Variants in QDPR observed in about 807,000 individuals in gnomAD.
QDPR encodes the protein dihydropteridine reductase.
Under a neutral mutation model 31.7 loss-of-function variants are expected in QDPR, and 23 were observed. The observed-to-expected ratio is 0.73, with a 90% CI of 0.52 to 1.03. The LOEUF (loss-of-function observed/expected upper bound fraction) is 1.03. Among genes scored for constraint, QDPR ranks in the 50% least tolerant of loss-of-function variants. QDPR has a pLI of 0.00. For synonymous variants in QDPR, 124 were observed against 124.7 expected, an observed-to-expected ratio of 0.99 and a Z score of 0.03; for missense variants, 324 against 323.8, an observed-to-expected ratio of 1.00 and a Z score of 0.00.
At position 17,487,075 on chromosome 4, in the gene QDPR, A is replaced by G; in HGVS notation, c.*56T>C. On this transcript the variant is annotated 3_prime_UTR_variant, in exon 7 of 7. Coordinates refer to ENST00000281243, the MANE Select transcript of QDPR (RefSeq NM_000320.3). ...AAAACACAAGGCTGGACAAGGCCAC[A>G]CTGAGACAGGTTAGTGACTTTTCTG... is the stretch of plus-strand genomic sequence containing the variant. 1.4e-6 allele frequency: 2 copies of G among 1,393,314 alleles called. No individual in the cohort carries two copies. Among genetic ancestry groups the G allele is most frequent in the East Asian group, 2.3e-5 (1 of 43,838 alleles). 86.3% of individuals were successfully genotyped at this position (1,393,314 alleles called of 1,614,324 possible). A position where few individuals can be genotyped will look rare whatever the true frequency, so the allele number is the denominator to read the frequency against.
chr4:17,496,544 T>G (rs2597773), intron 4 of QDPR, among the ~76,000 whole-genome samples: 42,679 of 150,476 alleles, frequency 0.28, 6,612 homozygotes, highest in South Asian at 0.38. Flanking sequence ...TTCTCAATAT[T>G]CCAGACAAAC....
intron 2 of QDPR, among the ~76,000 whole-genome samples, chr4:17,507,215 T>C (rs915978293): frequency 2.6e-5 from 4 of 152,180 alleles, no homozygotes; most frequent in Non-Finnish European, 5.9e-5. Context: ...TCTGGAGACC[T>C]ATGATCCTGA....
chr4:17,501,909 AG>A (rs1379617750), intron 3 of QDPR, 50 bp from the exon 4 acceptor site: 1 of 1,611,868 alleles, frequency 6.2e-7, no homozygotes, highest in Non-Finnish European at 8.5e-7. Context: ...AGAAACCAAA[AG>A]GTGAGCTCAA....
At chr4:17,511,770 C>A (rs1719017918) in intron 1 of QDPR, among the ~76,000 whole-genome samples, 180 bp downstream of exon 1, 1 of 152,174 alleles carries the variant, frequency 6.6e-6, no homozygotes, top group South Asian at 2.1e-4. Flanking sequence ...CTGGGACTGG[C>A]GTGCGCACGC....
intron 3 of QDPR, among the ~76,000 whole-genome samples, chr4:17,502,273 T>C (rs933094592): frequency 6.6e-6 from 1 of 152,234 alleles, no homozygotes; most frequent in Non-Finnish European, 1.5e-5. Flanking sequence ...AAGAGAGCTT[T>C]TACTGAGCTA....
chr4:17,497,348 C>CA (rs1718400137), intron 4 of QDPR, among the ~76,000 whole-genome samples: 1 of 152,010 alleles, frequency 6.6e-6, no homozygotes, highest in South Asian at 2.1e-4. Flanking sequence ...TTTGTCAAAG[C>CA]AAGTCCTTTT....
intron 4 of QDPR, among the ~76,000 whole-genome samples, chr4:17,497,284 T>A (rs1388055740): frequency 6.6e-6 from 1 of 152,166 alleles, no homozygotes; most frequent in African/African-American, 2.4e-5. Context: ...AAAAACTGAT[T>A]AAATTATTTA....
At position 17,502,142 on chromosome 4, in the gene QDPR, G is replaced by A. The variant is rs115347594; in HGVS notation, c.296-283C>T. On this transcript the variant is annotated intron_variant, in intron 3 of 6. Coordinates refer to ENST00000281243, the MANE Select transcript of QDPR (RefSeq NM_000320.3). ...CTGGAGTTTACTGATTTGCTGGACTGGCTTTAATTCAAAGATTGTTTTATT... is the reference window on the plus strand; with the variant it reads ...CTGGAGTTTACTGATTTGCTGGACTAGCTTTAATTCAAAGATTGTTTTATT... Among the ~76,000 whole-genome samples, 491 of 152,260 alleles carry A rather than the reference G, an allele frequency of 3.2e-3. 5 individuals carry two copies. The highest frequency in any genetic ancestry group is 0.011 in the African/African-American group (470 of 41,524).
In QDPR at chr4:17,512,037, A is replaced by AGCCGCC. The variant is rs762480653; in HGVS notation, c.12_17dup (p.Ala6_Ala7dup). The AGCCGCC allele has an allele frequency of 5.5e-5, 88 of 1,602,662 alleles. No homozygotes were observed. The highest frequency in any genetic ancestry group is 2.2e-4 in the Admixed American group (13 of 59,490). On this transcript the variant is annotated inframe_insertion, in exon 1 of 7. Coordinates refer to ENST00000281243, the MANE Select transcript of QDPR (RefSeq NM_000320.3). Reference sequence around the variant, plus strand: ...CCAGCACCCGGCGCGCCTCGCCTGCAGCCGCCGCCGCCGCCATCCTGCTCC... The same window carrying AGCCGCC: ...CCAGCACCCGGCGCGCCTCGCCTGCAGCCGCCGCCGCCGCCGCCGCCATCCTGCTCC...
intron 4 of QDPR, among the ~76,000 whole-genome samples, chr4:17,501,299 C>T (rs1293563246): frequency 1.3e-5 from 2 of 152,224 alleles, no homozygotes; most frequent in East Asian, 1.9e-4. Context: ...TGGGATTACA[C>T]GTGTGAGCCA....
rs759525499 is a variant in QDPR at position 17,490,692 on chromosome 4, C to G, written c.599G>C (p.Ser200Thr). Residue 200 changes from serine to threonine, a missense_variant, in exon 6 of 7, where the codon AGC becomes ACC. By Grantham distance (58) the Ser-to-Thr change is moderately conservative. Coordinates refer to ENST00000281243, the MANE Select transcript of QDPR (RefSeq NM_000320.3). ...NRKSMPEADF[S>T]SWTPLEFLVE... ...TAGGAATTCTAAGGGTGTCCAGGAG[C>G]TGAAGTCAGCCTCAGGCATTGATTT... 17 of 1,614,026 alleles carry G rather than the reference C, an allele frequency of 1.1e-5. No individual in the cohort carries two copies. The highest frequency in any genetic ancestry group is 1.4e-5 in the Non-Finnish European group (17 of 1,179,928).
At chr4:17,511,758 C>T (rs1023654845) in intron 1 of QDPR, among the ~76,000 whole-genome samples, 192 bp downstream of exon 1, 2 of 152,216 alleles carry the variant, frequency 1.3e-5, no homozygotes, top group South Asian at 4.1e-4. Context: ...AGGCCCAGCG[C>T]CCTGGGACTG....
At chr4:17,507,562 AAAGTT>A (rs1718831957) in intron 2 of QDPR, among the ~76,000 whole-genome samples, 1 of 151,938 alleles carries the variant, frequency 6.6e-6, no homozygotes, top group South Asian at 2.1e-4. Flanking sequence ...GCTTCTCAAG[AAAGTT>A]AAGCACTGCT....
intron 4 of QDPR, among the ~76,000 whole-genome samples, chr4:17,498,713 G>A (rs1718450451): frequency 6.6e-6 from 1 of 152,168 alleles, no homozygotes; most frequent in Non-Finnish European, 1.5e-5. Flanking sequence ...AAACAAAAGT[G>A]AACACCATTT....
chr4:17,494,982 G>A (rs1718299506), intron 4 of QDPR, among the ~76,000 whole-genome samples: 2 of 152,196 alleles, frequency 1.3e-5, no homozygotes, highest in African/African-American at 4.8e-5. Flanking sequence ...GGCGGAGGGA[G>A]CCCAGCCTGG....
intron 6 of QDPR, 106 bp from the exon 7 acceptor site, chr4:17,487,342 G>C: frequency 1.2e-6 from 1 of 838,260 alleles, no homozygotes; most frequent in Non-Finnish European, 2.0e-6. Flanking sequence ...GGGTGGCACA[G>C]CAGCGACTGT....
In QDPR at chr4:17,490,758, C is replaced by G. The variant is rs1355228993; in HGVS notation, c.546-13G>C. 1 of 1,605,822 alleles carries G rather than the reference C, an allele frequency of 6.2e-7. No homozygotes were observed. Among genetic ancestry groups the G allele is most frequent in the African/African-American group, 1.3e-5 (1 of 74,878 alleles). ...ATCCAGGGTAACCCTGCAATGGACACAGATAAGCACGTCATTCATGTCGCT... is the reference window on the plus strand; with the variant it reads ...ATCCAGGGTAACCCTGCAATGGACAGAGATAAGCACGTCATTCATGTCGCT... On this transcript the variant is annotated splice_polypyrimidine_tract_variant and intron_variant, in intron 5 of 6. Coordinates refer to ENST00000281243, the MANE Select transcript of QDPR (RefSeq NM_000320.3).
chr4:17,496,442 C>CAAAAAAAAAAAAAAAAAAAAAAAAAAA (rs747311750), intron 4 of QDPR, among the ~76,000 whole-genome samples: 1 of 64,608 alleles, frequency 1.5e-5, no homozygotes, highest in African/African-American at 5.6e-5. Context: ...AAAACTGTCT[C>CAAAAAAAAAAAAAAAAAAAAAAAAAAA]AAAAAAAAAA....
chr4:17,497,630 T>A (rs566795332), intron 4 of QDPR, among the ~76,000 whole-genome samples: 1 of 152,174 alleles, frequency 6.6e-6, no homozygotes, highest in African/African-American at 2.4e-5. Flanking sequence ...TAGGTTGTCT[T>A]AGACAAGGCA....
Sources: allele counts gnomAD v4.1 joint callset (sites outside exome capture counted in the v4.1 genomes callset), GRCh38; gene constraint gnomAD v4.1.1; transcripts MANE v1.5; gene names NCBI Gene and HGNC (gene_info 2026-07-23, HGNC 2026-07-21).